Variants in HECW2 observed in about 807,000 individuals in gnomAD.
HECW2 encodes the protein HECT, C2 and WW domain containing E3 ubiquitin protein ligase 2, also known as E3 ubiquitin-protein ligase HECW2.
Under a neutral mutation model 175.2 loss-of-function variants are expected in HECW2, and 61 were observed. The ratio of observed to expected loss-of-function variants is 0.35; its 90% CI spans 0.28 to 0.43. The LOEUF (loss-of-function observed/expected upper bound fraction) is 0.43. Ranked by LOEUF, HECW2 falls within the 20% of genes least tolerant of loss-of-function variation. The pLI is 1.00. For synonymous variants in HECW2, 671 were observed against 731.0 expected (o/e 0.92, Z 1.32); for missense variants, 1,524 against 2,000.5 (o/e 0.76, Z 4.54).
chr2:196,201,422 C>T (rs1179648564), intron 28 of HECW2, 34 bp from the exon 29 acceptor site: 6 of 1,466,346 alleles, frequency 4.1e-6, no homozygotes, highest in South Asian at 2.3e-5. Flanking sequence ...TAGTTTAGAA[C>T]AGGCCGAGTG....
chr2:196,323,930 T>G (rs1249717999), intron 6 of HECW2, among the ~76,000 whole-genome samples: 3,207 of 148,906 alleles, frequency 0.022, 117 homozygotes, highest in African/African-American at 0.074. Context: ...TTTTTTTTTT[T>G]TTTTTTTACC....
intron 28 of HECW2, among the ~76,000 whole-genome samples, chr2:196,203,864 T>C (rs1322336718): frequency 1.3e-5 from 2 of 152,144 alleles, no homozygotes; most frequent in Non-Finnish European, 2.9e-5. Context: ...AAATAGTAAC[T>C]CCCATTTCCT....
chr2:196,386,904 A>G (rs1329650900), intron 2 of HECW2, among the ~76,000 whole-genome samples: 1 of 152,170 alleles, frequency 6.6e-6, no homozygotes, highest in East Asian at 1.9e-4. Flanking sequence ...CGTTTGCTAG[A>G]ACTAAATCAC....
intron 1 of HECW2, among the ~76,000 whole-genome samples, chr2:196,542,310 C>A (rs73051098): frequency 6.8e-6 from 1 of 147,164 alleles, no homozygotes; most frequent in South Asian, 2.2e-4. Flanking sequence ...TTAAAAAGTA[C>A]GGTAAACAAG....
intron 1 of HECW2, among the ~76,000 whole-genome samples, chr2:196,579,993 C>A (rs140556383): frequency 9.2e-5 from 14 of 152,224 alleles, no homozygotes; most frequent in African/African-American, 2.9e-4. Flanking sequence ...CAAACCAATA[C>A]AACATGATAA....
At chr2:196,383,309 A>G (rs1295157895) in intron 2 of HECW2, among the ~76,000 whole-genome samples, 1 of 152,180 alleles carries the variant, frequency 6.6e-6, no homozygotes, top group Admixed American at 6.6e-5. Context: ...CCAGGTGGAG[A>G]TGCCAAGTCC....
rs940127910 is a variant in HECW2, at chr2:196,518,667, A to C, written c.-36+74841T>G. ...GAGATTCTGTCTCAAAAAAAAAAAA[A>C]AAAAAAAAAAACCCTTTAGAGAATT... On this transcript the variant is annotated intron_variant, in intron 1 of 28. Transcript: ENST00000644978. Among the ~76,000 whole-genome samples, 4 of 151,908 alleles carry C rather than the reference A, an allele frequency of 2.6e-5. No individual in the cohort carries two copies. The East Asian group carries it at 7.7e-4, about 29-fold the overall frequency.
chr2:196,463,417 A>AG (rs1343863966), intron 1 of HECW2, among the ~76,000 whole-genome samples: 6 of 151,832 alleles, frequency 4.0e-5, no homozygotes, highest in African/African-American at 1.5e-4. Flanking sequence ...AAAAAAAAAA[A>AG]AAAGAAAGAA....
intron 1 of HECW2, among the ~76,000 whole-genome samples, chr2:196,589,600 T>C (rs74468938): frequency 0.014 from 2,143 of 152,224 alleles, 48 homozygotes; most frequent in African/African-American, 0.049. Context: ...CCTCCTATTA[T>C]CCTCATGGCC....
chr2:196,324,834 G>T, intron 6 of HECW2, 146 bp downstream of exon 6: 1 of 539,000 alleles, frequency 1.9e-6, no homozygotes, highest in Non-Finnish European at 3.1e-6. Flanking sequence ...GGAGAGATGG[G>T]AATAGCTCAT....
intron 1 of HECW2, among the ~76,000 whole-genome samples, chr2:196,495,482 G>C (rs974071611): frequency 6.6e-6 from 1 of 152,180 alleles, no homozygotes; most frequent in Non-Finnish European, 1.5e-5. Context: ...AAAAGATATA[G>C]AGTGATGAGT....
At chr2:196,394,029 C>G (rs1694590010) in intron 2 of HECW2, among the ~76,000 whole-genome samples, 1 of 152,106 alleles carries the variant, frequency 6.6e-6, no homozygotes, top group Non-Finnish European at 1.5e-5. Flanking sequence ...TGGAAACCAT[C>G]ATTCTGAGCA....
intron 28 of HECW2, among the ~76,000 whole-genome samples, chr2:196,203,138 A>G (rs1686928633): frequency 6.6e-6 from 1 of 152,136 alleles, no homozygotes; most frequent in Non-Finnish European, 1.5e-5. Flanking sequence ...GGATACTCCA[A>G]CTGTATGAGT....
chr2:196,276,905 A>C (rs569116632), intron 15 of HECW2, among the ~76,000 whole-genome samples: 27 of 152,298 alleles, frequency 1.8e-4, no homozygotes, highest in Non-Finnish European at 3.4e-4. Context: ...CCAGTTATTT[A>C]TTGTATTCAT....
chr2:196,308,106 GA>G, intron 10 of HECW2, 21 bp from the exon 11 acceptor site: 1 of 1,536,330 alleles, frequency 6.5e-7, no homozygotes, highest in Admixed American at 1.8e-5. Context: ...GTGAGGCACC[GA>G]AAGGAATTAG....
chr2:196,450,557 T>C (rs946639528), intron 1 of HECW2, among the ~76,000 whole-genome samples: 1 of 149,226 alleles, frequency 6.7e-6, no homozygotes, highest in Non-Finnish European at 1.5e-5. Context: ...AATGGCATAA[T>C]CTTGGCTCAC....
intron 23 of HECW2, 101 bp from the exon 24 acceptor site, chr2:196,222,441 G>A (rs1324706160): frequency 3.8e-6 from 4 of 1,047,860 alleles, no homozygotes; most frequent in African/African-American, 1.6e-5. Flanking sequence ...AAGAATAAGA[G>A]CCACTACATA....
intron 21 of HECW2, among the ~76,000 whole-genome samples, chr2:196,235,193 G>C (rs1688202250): frequency 6.6e-6 from 1 of 151,446 alleles, no homozygotes; most frequent in Non-Finnish European, 1.5e-5. Context: ...TGCCTCCCAG[G>C]TTCAAGCAAT....
At chr2:196,593,071 T>TCCCGCCG (rs1254042490) in intron 1 of HECW2, among the ~76,000 whole-genome samples, 2 of 150,890 alleles carry the variant, frequency 1.3e-5, no homozygotes, top group Non-Finnish European at 3.0e-5. Context: ...CAGCGGCTCT[T>TCCCGCCG]CCCGCCGCCC....
Sources: allele counts gnomAD v4.1 joint callset (sites outside exome capture counted in the v4.1 genomes callset), GRCh38; gene constraint gnomAD v4.1.1; transcripts MANE v1.5; gene names NCBI Gene and HGNC (gene_info 2026-07-23, HGNC 2026-07-21).